RBPMS2: variants seen among roughly 807,000 people sequenced by gnomAD.
RBPMS2 encodes RNA binding protein, mRNA processing factor 2, also known as RNA-binding protein with multiple splicing 2.
Under a neutral mutation model 25.7 loss-of-function variants are expected in RBPMS2, and 14 were observed. The ratio of observed to expected loss-of-function variants is 0.55; its 90% CI spans 0.36 to 0.85. The LOEUF (loss-of-function observed/expected upper bound fraction) is 0.85, where lower values mean the gene tolerates loss of function less well. Ranked by LOEUF, RBPMS2 falls within the 40% of genes least tolerant of loss-of-function variation. The probability of loss-of-function intolerance (pLI) is 0.01; values close to 1 mark genes in which losing one functional copy is unlikely to be tolerated. For missense variants in RBPMS2, 252 were observed against 283.4 expected, an observed-to-expected ratio of 0.89 and a Z score of 0.80; for synonymous variants, 127 against 115.6, an observed-to-expected ratio of 1.10 and a Z score of -0.63.
At chr15:64,774,515 A>C (rs1247417589) in intron 1 of RBPMS2, among the ~76,000 whole-genome samples, 2 of 151,936 alleles carry the variant, frequency 1.3e-5, no homozygotes, top group Non-Finnish European at 2.9e-5. Flanking sequence ...GGTGGACGAG[A>C]TGATTTCGCC....
At chr15:64,762,988 G>A (rs1025684255) in intron 1 of RBPMS2, among the ~76,000 whole-genome samples, 4 of 150,570 alleles carry the variant, frequency 2.7e-5, no homozygotes, top group Admixed American at 1.3e-4. Context: ...CAGAGCCAAC[G>A]TTAGGGCTGC....
chr15:64,746,429 G>A (rs2083618543), intron 6 of RBPMS2, among the ~76,000 whole-genome samples: 1 of 152,146 alleles, frequency 6.6e-6, no homozygotes, highest in African/African-American at 2.4e-5. Flanking sequence ...GCCATCACGC[G>A]ACTCCATGCC....
intron 1 of RBPMS2, among the ~76,000 whole-genome samples, chr15:64,755,417 C>T (rs1208172151): frequency 1.3e-5 from 2 of 152,142 alleles, no homozygotes; most frequent in Non-Finnish European, 2.9e-5. Context: ...AAACACCCGC[C>T]TTGGTTCCTA....
At chr15:64,752,553 AT>A (rs1006547129) in intron 1 of RBPMS2, among the ~76,000 whole-genome samples, 5 of 152,244 alleles carry the variant, frequency 3.3e-5, no homozygotes, top group African/African-American at 1.2e-4. Flanking sequence ...CAAAACCATT[AT>A]GCTGAGTTTT....
At chr15:64,757,459 T>C (rs922493186) in intron 1 of RBPMS2, among the ~76,000 whole-genome samples, 1 of 152,170 alleles carries the variant, frequency 6.6e-6, no homozygotes, top group South Asian at 2.1e-4. Flanking sequence ...AAGCTGGTAA[T>C]GTGGGTAGGA....
At chr15:64,768,284 A>G (rs1309434328) in intron 1 of RBPMS2, among the ~76,000 whole-genome samples, 1 of 152,086 alleles carries the variant, frequency 6.6e-6, no homozygotes, top group Non-Finnish European at 1.5e-5. Context: ...AAGGCAGGAC[A>G]ATCGTTTGAG....
intron 1 of RBPMS2, among the ~76,000 whole-genome samples, chr15:64,772,121 A>T (rs1411907107): frequency 6.6e-6 from 1 of 152,168 alleles, no homozygotes; most frequent in African/African-American, 2.4e-5. Flanking sequence ...GGATTCATGG[A>T]TAGGGAACCC....
At chr15:64,752,906 C>T (rs1002816185) in intron 1 of RBPMS2, among the ~76,000 whole-genome samples, 6 of 152,102 alleles carry the variant, frequency 3.9e-5, no homozygotes, top group Non-Finnish European at 5.9e-5. Context: ...GCCACCGTGC[C>T]CGGCTGATGC....
At chr15:64,744,789 GTTTGTTTTGTTTTTTTTT>G (rs2083599848) in intron 6 of RBPMS2, among the ~76,000 whole-genome samples, 2 of 61,604 alleles carry the variant, frequency 3.2e-5, no homozygotes, top group African/African-American at 1.2e-4. Context: ...AGTTTTTTTG[GTTTGTTTTGTTTTTTTTT>G]TTTTTTTTTT....
At chr15:64,774,765 AGG>A (rs2083917488) in intron 1 of RBPMS2, among the ~76,000 whole-genome samples, 1 of 95,192 alleles carries the variant, frequency 1.1e-5, no homozygotes, top group Non-Finnish European at 2.5e-5. Flanking sequence ...GGTCACGGGG[AGG>A]GGGTCAGGGC....
intron 1 of RBPMS2, among the ~76,000 whole-genome samples, chr15:64,753,303 A>G (rs770723119): frequency 6.6e-6 from 1 of 152,150 alleles, no homozygotes; most frequent in East Asian, 1.9e-4. Context: ...AAGTTGCCCT[A>G]CAGTGGGCCA....
intron 1 of RBPMS2, among the ~76,000 whole-genome samples, chr15:64,767,657 T>G (rs2083858678): frequency 6.6e-6 from 1 of 152,168 alleles, no homozygotes; most frequent in Admixed American, 6.5e-5. Flanking sequence ...GAAGCCAGCA[T>G]GTCCCAGCCT....
intron 1 of RBPMS2, among the ~76,000 whole-genome samples, chr15:64,765,008 C>T (rs1405340779): frequency 2.6e-5 from 4 of 150,992 alleles, no homozygotes; most frequent in East Asian, 3.9e-4. Context: ...GGGCGGATCA[C>T]GAGGTCAGGA....
At chr15:64,743,455 T>C (rs2083583126) in intron 6 of RBPMS2, among the ~76,000 whole-genome samples, 1 of 152,224 alleles carries the variant, frequency 6.6e-6, no homozygotes, top group Non-Finnish European at 1.5e-5. Flanking sequence ...ACGGAATGCA[T>C]TTAGAAGGGC....
chr15:64,747,975 T>C (rs1243067898), intron 6 of RBPMS2, among the ~76,000 whole-genome samples: 1 of 146,974 alleles, frequency 6.8e-6, no homozygotes, highest in African/African-American at 2.5e-5. Flanking sequence ...AGGCAGATTA[T>C]CTGATCATTC....
In RBPMS2 at chr15:64,744,813, T is replaced by G. The variant is rs1271002840; in HGVS notation, c.568-3571A>C. On this transcript the variant is annotated intron_variant, in intron 6 of 7. Coordinates refer to ENST00000300069, the MANE Select transcript of RBPMS2 (RefSeq NM_194272.3). ...GGTTTGTTTTGTTTTTTTTTTTTTT[T>G]TTTTTTTTTTTTTTTTTTTGAGACA... is the stretch of plus-strand genomic sequence containing the variant. 6.6e-3 allele frequency among the ~76,000 whole-genome samples: 728 copies of G among 110,688 alleles called. 15 individuals carry two copies. Among genetic ancestry groups the G allele is most frequent in the African/African-American group, 0.025 (698 of 27,602 alleles). 72.6% of individuals were successfully genotyped at this position (110,688 alleles called of 152,430 possible).
intron 1 of RBPMS2, among the ~76,000 whole-genome samples, chr15:64,770,817 G>C (rs2083887733): frequency 6.6e-6 from 1 of 151,294 alleles, no homozygotes; most frequent in Non-Finnish European, 1.5e-5. Flanking sequence ...ACAAGTCTAA[G>C]CACCTGTTCA....
At chr15:64,774,655 C>T (rs1477719989) in intron 1 of RBPMS2, among the ~76,000 whole-genome samples, 1 of 149,488 alleles carries the variant, frequency 6.7e-6, no homozygotes, top group East Asian at 2.1e-4. Context: ...TGTGGGCTCA[C>T]CTCTGCCAAA....
intron 2 of RBPMS2, among the ~76,000 whole-genome samples, chr15:64,751,144 C>A (rs1363902482): frequency 1.3e-5 from 2 of 152,066 alleles, no homozygotes; most frequent in Admixed American, 1.3e-4. Context: ...ACCAGCCTGA[C>A]CAACATGGTG....
Sources: gnomAD v4.1 joint callset for allele counts (sites outside exome capture counted in the v4.1 genomes callset) on GRCh38, gnomAD v4.1.1 for gene constraint, MANE v1.5 for transcripts, NCBI Gene and HGNC (gene_info 2026-07-23, HGNC 2026-07-21) for gene names.